The following EIF2AK4 variants were observed in gnomAD, a reference collection of about 807,000 sequenced individuals.
EIF2AK4 encodes eukaryotic translation initiation factor 2 alpha kinase 4.
Under a neutral mutation model 211.1 loss-of-function variants are expected in EIF2AK4, and 139 were observed. The ratio of observed to expected loss-of-function variants is 0.66; its 90% CI spans 0.57 to 0.76. The LOEUF (loss-of-function observed/expected upper bound fraction) is 0.76. EIF2AK4 is among the 30% of genes least tolerant of loss of function. EIF2AK4 has a pLI of 0.00. For missense variants in EIF2AK4, 1,664 were observed against 2,043.8 expected, an observed-to-expected ratio of 0.81 and a Z score of 3.58; for synonymous variants, 710 against 751.3, an observed-to-expected ratio of 0.94 and a Z score of 0.90.
At position 40,003,308 on chromosome 15, in the gene EIF2AK4, C is replaced by A; in HGVS notation, c.3351C>A (p.Asp1117Glu). The change falls in exon 23 of 39, where the codon GAC becomes GAA. Residue 1117 changes from aspartate to glutamate, a missense_variant. Around this residue, in one of 7 missense-constraint regions of EIF2AK4, gnomAD observed 622 missense variants for 796.8 expected, o/e 0.78. Transcript: ENST00000263791. ...GGATGCTGGTGATGCTTCCTTTTGA[C>A]CTGCGGGTGAGGCTGGGAACACACT... is the stretch of plus-strand genomic sequence containing the variant. ...HSGMLVMLPF[D>E]LRIPFARYVA... 1 of 1,614,072 alleles carries A rather than the reference C, an allele frequency of 6.2e-7. No individual in the cohort carries two copies.
intron 3 of EIF2AK4, among the ~76,000 whole-genome samples, chr15:39,947,799 G>C (rs762766092): frequency 7.2e-5 from 11 of 152,224 alleles, no homozygotes; most frequent in Non-Finnish European, 1.3e-4. Context: ...AGCACCAGGG[G>C]AGTAGGAGGC....
chr15:39,977,098 A>T (rs1037279154), intron 12 of EIF2AK4: 25 of 402,000 alleles, frequency 6.2e-5, no homozygotes, highest in Admixed American at 5.4e-4. Flanking sequence ...GGAAAAGGGG[A>T]TTCATTTAGA....
intron 13 of EIF2AK4, 26 bp downstream of exon 13, chr15:39,978,173 C>T: frequency 7.5e-6 from 10 of 1,325,454 alleles, no homozygotes; most frequent in Non-Finnish European, 1.0e-5. Flanking sequence ...GAAATTATAT[C>T]ATTTTATTCG....
intron 9 of EIF2AK4, among the ~76,000 whole-genome samples, chr15:39,969,250 T>G (rs1450808126): frequency 6.6e-6 from 1 of 152,118 alleles, no homozygotes; most frequent in Admixed American, 6.6e-5. Context: ...CTTTCCCGTT[T>G]AGTAGCAAAA....
intron 23 of EIF2AK4, among the ~76,000 whole-genome samples, chr15:40,004,399 A>G (rs941552384): frequency 1.3e-5 from 2 of 152,228 alleles, no homozygotes; most frequent in Non-Finnish European, 2.9e-5. Context: ...CACCAATATT[A>G]TGGAATATTA....
intron 2 of EIF2AK4, among the ~76,000 whole-genome samples, chr15:39,940,138 GC>G (rs1182332310): frequency 6.6e-6 from 1 of 152,134 alleles, no homozygotes. Context: ...AGCATCCCTG[GC>G]CCCCACCTAC....
In EIF2AK4 at chr15:39,978,115, A is replaced by C; in HGVS notation, c.2287A>C (p.Asn763His). The C allele has an allele frequency of 6.3e-7, 1 of 1,594,192 alleles. No individual in the cohort carries two copies. Among genetic ancestry groups the C allele is most frequent in the Non-Finnish European group, 8.6e-7 (1 of 1,166,744 alleles). Residue 763 changes from asparagine (N) to histidine (H), a missense_variant, in exon 13 of 39, where the codon AAT (asparagine) becomes CAT (histidine). Asn to His is a moderately conservative substitution (Grantham distance 68). Coordinates refer to ENST00000263791, the MANE Select transcript of EIF2AK4 (RefSeq NM_001013703.4). ...SDSESDIIFD[N>H]EDENSKSQNQ... is the part of the protein sequence containing the mutation. ...TTCTGAAAGTGATATTATCTTTGACAATGAAGATGAGAACAGTAAAAGTCA... is the reference window on the plus strand; with the variant it reads ...TTCTGAAAGTGATATTATCTTTGACCATGAAGATGAGAACAGTAAAAGTCA...
At chr15:40,002,063 A>T (rs1009167932) in intron 21 of EIF2AK4, among the ~76,000 whole-genome samples, 2 of 152,228 alleles carry the variant, frequency 1.3e-5, no homozygotes, top group African/African-American at 4.8e-5. Context: ...GATATAATTT[A>T]AAAAGATAGA....
At chr15:40,006,006 A>T (rs964359242) in intron 23 of EIF2AK4, among the ~76,000 whole-genome samples, 6 of 152,358 alleles carry the variant, frequency 3.9e-5, no homozygotes, top group Middle Eastern at 3.4e-3. Context: ...CCAAAAAGCA[A>T]AACTTGAACT....
rs73384382 is a variant in EIF2AK4, at chr15:39,951,714, G to C, written c.514-2190G>C. On this transcript the variant is annotated intron_variant, in intron 4 of 38. Transcript: ENST00000263791. ...GCAGTCTTGCAAGCGGCTTTCTGTA[G>C]CCAGTGGCTTCAACCCAGGAGGCAG... 8.8e-3 allele frequency: 1,669 copies of C among 189,524 alleles called. 45 individuals carry two copies. Among genetic ancestry groups the C allele is most frequent in the African/African-American group, 0.038 (1,589 of 41,962 alleles). 11.7% of individuals were successfully genotyped at this position (189,524 alleles called of 1,614,324 possible). A position where few individuals can be genotyped will look rare whatever the true frequency, so the allele number is the denominator to read the frequency against.
chr15:39,961,882 AC>A lies in EIF2AK4; in HGVS notation c.843del (p.His281GlnfsTer15), dbSNP rs1386570275. ...NMGSPDQLMVHKGKCIGSDEQ... is the reference protein window; with the variant it reads ...NMGSPDQLMVXKGKCIGSDEQ... Reference sequence around the variant, plus strand: ...GGGAGTCCTGATCAGCTCATGGTGCACAAAGGGAAATGTATTGGTGAGTAAA... The same window carrying A: ...GGGAGTCCTGATCAGCTCATGGTGCAAAAGGGAAATGTATTGGTGAGTAAA... On this transcript the variant is annotated frameshift_variant, in exon 7 of 39. Transcript: ENST00000263791. LOFTEE classifies it high-confidence loss of function. The A allele has an allele frequency of 1.9e-6, 3 of 1,613,398 alleles. No homozygotes were observed. Among genetic ancestry groups the A allele is most frequent in the Non-Finnish European group, 1.7e-6 (2 of 1,179,748 alleles).
At chr15:39,941,251 C>G (rs1038423296) in intron 2 of EIF2AK4, among the ~76,000 whole-genome samples, 1 of 152,148 alleles carries the variant, frequency 6.6e-6, no homozygotes, top group Non-Finnish European at 1.5e-5. Flanking sequence ...CCCTAAAGAT[C>G]TGGGATGGGG....
chr15:39,988,777 G>T, intron 15 of EIF2AK4, among the ~76,000 whole-genome samples: 1 of 152,176 alleles, frequency 6.6e-6, no homozygotes, highest in East Asian at 1.9e-4. Context: ...AAGATGGGCG[G>T]ATCACTTGAG....
intron 32 of EIF2AK4, 137 bp downstream of exon 32, chr15:40,022,742 T>TA: frequency 3.9e-6 from 1 of 256,648 alleles, no homozygotes; most frequent in Non-Finnish European, 6.9e-6. Flanking sequence ...GTTGGGTTTC[T>TA]TTTTTTTTTT....
At chr15:39,971,457 G>T (rs1409431808) in intron 9 of EIF2AK4, among the ~76,000 whole-genome samples, 1 of 152,184 alleles carries the variant, frequency 6.6e-6, no homozygotes, top group Non-Finnish European at 1.5e-5. Flanking sequence ...CTGGGAGGTA[G>T]AGGTTGCAGG....
intron 13 of EIF2AK4, among the ~76,000 whole-genome samples, chr15:39,980,063 A>G (rs1285501604): frequency 2.0e-5 from 3 of 152,340 alleles, no homozygotes; most frequent in East Asian, 3.9e-4. Context: ...TGTATGCACT[A>G]TAAAACATTC....
intron 14 of EIF2AK4, among the ~76,000 whole-genome samples, chr15:39,986,880 C>CAAA (rs572153413): frequency 2.4e-4 from 37 of 151,990 alleles, no homozygotes; most frequent in African/African-American, 7.7e-4. Flanking sequence ...ACAACAACAA[C>CAAA]AAAAACAAAG....
rs1275784272 is a variant in EIF2AK4, at chr15:40,002,599, T to C, written c.3160-114T>C. 4.5e-6 allele frequency: 5 copies of C among 1,114,224 alleles called. No individual in the cohort carries two copies. In the African/African-American group the frequency reaches 7.7e-5, roughly 17 times the overall value. The allele number at this position is 1,114,224 out of a possible 1,614,324, so 69.0% of individuals were successfully genotyped here. On this transcript the variant is annotated intron_variant, in intron 21 of 38. Coordinates refer to ENST00000263791, the MANE Select transcript of EIF2AK4 (RefSeq NM_001013703.4). Reference sequence around the variant, plus strand: ...AGAGGGATGGACTTGTCAAGACTTGTTTTTTGAACCTGGAAATAAGCAGTG... The same window carrying C: ...AGAGGGATGGACTTGTCAAGACTTGCTTTTTGAACCTGGAAATAAGCAGTG...
intron 4 of EIF2AK4, 110 bp downstream of exon 4, chr15:39,949,378 C>A: frequency 1.4e-6 from 2 of 1,462,732 alleles, no homozygotes; most frequent in Non-Finnish European, 1.8e-6. Flanking sequence ...TTTGCTCAGC[C>A]TTTGATTCAA....
Sources: gnomAD v4.1 joint callset for allele counts (sites outside exome capture counted in the v4.1 genomes callset) on GRCh38, gnomAD v4.1.1 for gene constraint, gnomAD v4.1.1 regional missense constraint, MANE v1.5 for transcripts, NCBI Gene and HGNC (gene_info 2026-07-23, HGNC 2026-07-21) for gene names.